PPP2R2C: variants seen among roughly 807,000 people sequenced by gnomAD.
PPP2R2C encodes the protein protein phosphatase 2, regulatory subunit B, gamma.
Under a neutral mutation model 45.3 loss-of-function variants are expected in PPP2R2C, and 10 were observed. That is an observed-to-expected ratio of 0.22 (90% CI 0.14 to 0.37). The LOEUF is 0.37. Among genes scored for constraint, PPP2R2C ranks in the 10% least tolerant of loss-of-function variants. The pLI, the probability that PPP2R2C is intolerant of heterozygous loss-of-function variation, is 1.00. For synonymous variants in PPP2R2C, 257 were observed against 245.4 expected (o/e 1.05, Z -0.44); for missense variants, 308 against 619.7 (o/e 0.50, Z 5.34).
intron 2 of PPP2R2C, among the ~76,000 whole-genome samples, chr4:6,499,764 T>TAAA (rs554286267): frequency 7.6e-6 from 1 of 131,396 alleles, no homozygotes; most frequent in Non-Finnish European, 1.6e-5. Context: ...CATTGAACCA[T>TAAA]AAAAAAAAAA....
chr4:6,338,154 G>A (rs1273504834), intron 6 of PPP2R2C, among the ~76,000 whole-genome samples: 1 of 152,094 alleles, frequency 6.6e-6, no homozygotes. Flanking sequence ...CCTGCCATGG[G>A]TTTAAAGAAA....
intron 1 of PPP2R2C, among the ~76,000 whole-genome samples, chr4:6,415,331 T>C (rs4689439): frequency 0.94 from 143,177 of 152,366 alleles, 67,923 homozygotes; most frequent in East Asian, 1. Context: ...GGCAGACATT[T>C]AGCCTCTTAT....
intron 5 of PPP2R2C, among the ~76,000 whole-genome samples, chr4:6,361,010 C>A (rs942255897): frequency 6.6e-6 from 1 of 152,156 alleles, no homozygotes; most frequent in African/African-American, 2.4e-5. Flanking sequence ...ACCCTGCCAG[C>A]CTTATTTTAA....
At chr4:6,397,519 A>G (rs1459761110) in intron 1 of PPP2R2C, among the ~76,000 whole-genome samples, 2 of 152,124 alleles carry the variant, frequency 1.3e-5, no homozygotes, top group East Asian at 3.9e-4. Context: ...GAAGTTGGAA[A>G]AGAGGCCTCA....
At chr4:6,390,194 C>T (rs775209122) in intron 1 of PPP2R2C, among the ~76,000 whole-genome samples, 6 of 151,840 alleles carry the variant, frequency 4.0e-5, no homozygotes, top group Non-Finnish European at 8.8e-5. Context: ...TGCCGGCTGC[C>T]CAGAGGGGCG....
chr4:6,350,787 C>T, intron 5 of PPP2R2C: 1 of 985,396 alleles, frequency 1.0e-6, no homozygotes, highest in Non-Finnish European at 1.2e-6. Flanking sequence ...TGAGAGCCAG[C>T]ACGTGGTCTG....
intron 2 of PPP2R2C, among the ~76,000 whole-genome samples, chr4:6,507,876 A>T (rs889124116): frequency 6.6e-6 from 1 of 152,238 alleles, no homozygotes; most frequent in Non-Finnish European, 1.5e-5. Flanking sequence ...TTCCTCATCT[A>T]TGAAATGGGA....
intron 2 of PPP2R2C, among the ~76,000 whole-genome samples, chr4:6,522,111 G>A (rs548504243): frequency 2.8e-4 from 43 of 152,150 alleles, no homozygotes; most frequent in Middle Eastern, 6.8e-3. Context: ...GCACTCTCCC[G>A]GCCACTCACA....
chr4:6,512,101 G>T (rs1239382406), intron 2 of PPP2R2C, among the ~76,000 whole-genome samples: 1 of 54,644 alleles, frequency 1.8e-5, no homozygotes, highest in African/African-American at 8.1e-5. Flanking sequence ...GGTGGTGGTG[G>T]TGGTGGTGGT....
chr4:6,446,983 G>A (rs1316466575), intron 1 of PPP2R2C, among the ~76,000 whole-genome samples: 12 of 152,142 alleles, frequency 7.9e-5, no homozygotes, highest in African/African-American at 2.9e-4. Context: ...ACGGTGCGGG[G>A]CAAGGTCTTG....
chr4:6,383,756 A>C, intron 1 of PPP2R2C: 1 of 939,756 alleles, frequency 1.1e-6, no homozygotes, highest in Non-Finnish European at 1.3e-6. Flanking sequence ...CGTAAACTTC[A>C]TGAGGGCAGG....
At chr4:6,402,000 T>C (rs1235718475) in intron 1 of PPP2R2C, among the ~76,000 whole-genome samples, 1 of 152,172 alleles carries the variant, frequency 6.6e-6, no homozygotes, top group East Asian at 1.9e-4. Context: ...GGCCAGTTGC[T>C]CAACCTCTCT....
chr4:6,344,251 C>G (rs1439104570), intron 6 of PPP2R2C, among the ~76,000 whole-genome samples: 1 of 152,252 alleles, frequency 6.6e-6, no homozygotes, highest in African/African-American at 2.4e-5. Context: ...TTAACGTTCA[C>G]TGCAGCCCTG....
At chr4:6,325,975 G>A (rs552683972) in intron 8 of PPP2R2C, among the ~76,000 whole-genome samples, 24 of 152,366 alleles carry the variant, frequency 1.6e-4, no homozygotes, top group Non-Finnish European at 3.5e-4. Context: ...AGGAGGCGGA[G>A]GTTGCAGCGA....
intron 1 of PPP2R2C, among the ~76,000 whole-genome samples, chr4:6,466,579 T>A (rs890315477): frequency 6.6e-6 from 1 of 152,152 alleles, no homozygotes; most frequent in Non-Finnish European, 1.5e-5. Context: ...GCTGAGAGTA[T>A]GTCCCTCTGC....
chr4:6,422,242 C>G (rs1439061344), intron 1 of PPP2R2C, among the ~76,000 whole-genome samples: 1 of 152,182 alleles, frequency 6.6e-6, no homozygotes, highest in Non-Finnish European at 1.5e-5. Flanking sequence ...ACAAGTGCCT[C>G]TGGGCTTAGC....
intron 2 of PPP2R2C, among the ~76,000 whole-genome samples, chr4:6,495,767 C>T (rs1453329160): frequency 2.6e-5 from 4 of 152,224 alleles, no homozygotes; most frequent in African/African-American, 4.8e-5. Flanking sequence ...CTGGCCCTTC[C>T]GAGTTTCTCC....
intron 1 of PPP2R2C, among the ~76,000 whole-genome samples, chr4:6,432,906 C>T (rs1405695164): frequency 6.6e-6 from 1 of 152,122 alleles, no homozygotes; most frequent in Non-Finnish European, 1.5e-5. Flanking sequence ...CGTCCTCTTC[C>T]TTCTCCTCAG....
intron 1 of PPP2R2C, among the ~76,000 whole-genome samples, chr4:6,557,364 C>T (rs1725436604): frequency 6.6e-6 from 1 of 151,418 alleles, no homozygotes; most frequent in African/African-American, 2.4e-5. Flanking sequence ...TCAGGAGATG[C>T]TGGGTGCAAG....
Sources: gnomAD v4.1 joint callset for allele counts (sites outside exome capture counted in the v4.1 genomes callset) on GRCh38, gnomAD v4.1.1 for gene constraint, MANE v1.5 for transcripts, NCBI Gene and HGNC (gene_info 2026-07-23, HGNC 2026-07-21) for gene names.